Variants in KIAA1549L observed in about 807,000 individuals in gnomAD.
KIAA1549L encodes the protein KIAA1549 like.
Under a neutral mutation model 160.7 loss-of-function variants are expected in KIAA1549L, and 88 were observed. That is an observed-to-expected ratio of 0.55 (90% confidence interval 0.46 to 0.65). The LOEUF (loss-of-function observed/expected upper bound fraction) is 0.65, where lower values mean the gene tolerates loss of function less well. Among genes scored for constraint, KIAA1549L ranks in the 30% least tolerant of loss-of-function variants. The probability of loss-of-function intolerance (pLI) is 0.00; values close to 1 mark genes in which losing one functional copy is unlikely to be tolerated. For synonymous variants in KIAA1549L, 950 were observed against 976.7 expected (o/e 0.97, Z 0.51); for missense variants, 2,258 against 2,437.5 (o/e 0.93, Z 1.55).
chr11:33,583,244 C>T (rs1855699648), intron 10 of KIAA1549L, 94 bp from the exon 11 acceptor site: 4 of 1,226,980 alleles, frequency 3.3e-6, no homozygotes, highest in East Asian at 2.6e-5. Context: ...TCCTTCTGTC[C>T]AGGACTTGGG....
At chr11:33,436,250 C>T (rs547500131) in intron 1 of KIAA1549L, among the ~76,000 whole-genome samples, 65 of 152,194 alleles carry the variant, frequency 4.3e-4, no homozygotes, top group African/African-American at 1.5e-3. Context: ...ATATTATATA[C>T]ATAGCATATA....
chr11:33,614,584 A>ATTTTTTTTTTTTTTTTT, intron 15 of KIAA1549L, among the ~76,000 whole-genome samples: 1 of 5,116 alleles, frequency 2.0e-4, no homozygotes, highest in Non-Finnish European at 3.5e-4. Flanking sequence ...ATATATATAT[A>ATTTTTTTTTTTTTTTTT]TTTTTTTTTT....
chr11:33,376,888 G>A lies in KIAA1549L; in HGVS notation c.237G>A (p.Pro79=), dbSNP rs12295788. 0.12 allele frequency: 17,819 copies of A among 152,300 alleles called. 1,769 individuals are homozygous for A. Among genetic ancestry groups the A allele is most frequent in the African/African-American group, 0.27 (11,279 of 41,504 alleles). The allele number at this position is 152,300 out of a possible 1,614,324, so 9.4% of individuals were successfully genotyped here. ...TCCTGGAGCACGGCCAGGCCGACCCGGGTAAGCGCTCGGCGGCGGGGCGTC... is the reference window on the plus strand; with the variant it reads ...TCCTGGAGCACGGCCAGGCCGACCCAGGTAAGCGCTCGGCGGCGGGGCGTC... ...AALLEHGQAD[P]GTDNLQMNVT... The change falls in exon 1 of 21, where the codon CCG becomes CCA. Residue 79 remains proline, a splice_region_variant and synonymous_variant. Coordinates refer to ENST00000658780, the MANE Select transcript of KIAA1549L (RefSeq NM_012194.3). This position sits in a 1 kb window ranked among gnomAD's most constrained non-coding sequence, Gnocchi z 5.8.
At chr11:33,630,735 C>T (rs1851262640) in intron 16 of KIAA1549L, among the ~76,000 whole-genome samples, 1 of 152,086 alleles carries the variant, frequency 6.6e-6, no homozygotes, top group South Asian at 2.1e-4. Flanking sequence ...AGAAATCACC[C>T]ATCTTCTGCG....
At chr11:33,452,679 C>T (rs958528649) in intron 1 of KIAA1549L, among the ~76,000 whole-genome samples, 14 of 152,222 alleles carry the variant, frequency 9.2e-5, no homozygotes, top group African/African-American at 3.1e-4. Flanking sequence ...CAACCTAATA[C>T]CTTTCTGCCA....
chr11:33,556,315 CA>C (rs1342397705), intron 6 of KIAA1549L, among the ~76,000 whole-genome samples: 1 of 151,948 alleles, frequency 6.6e-6, no homozygotes, highest in Non-Finnish European at 1.5e-5. Context: ...CATTATATAC[CA>C]AAAAGAATTA....
intron 1 of KIAA1549L, among the ~76,000 whole-genome samples, chr11:33,536,594 T>C (rs1362601230): frequency 6.6e-6 from 1 of 152,128 alleles, no homozygotes; most frequent in African/African-American, 2.4e-5. Flanking sequence ...GGAAGTCACG[T>C]GGCATTATTG....
At chr11:33,643,693 CTCTGCCATTGCCTGCT>C (rs1178362450) in intron 16 of KIAA1549L, among the ~76,000 whole-genome samples, 1 of 152,182 alleles carries the variant, frequency 6.6e-6, no homozygotes, top group African/African-American at 2.4e-5. Context: ...GAGCAGGAGG[CTCTGCCATTGCCTGCT>C]TCTGCATAAC....
intron 1 of KIAA1549L, among the ~76,000 whole-genome samples, chr11:33,533,222 C>T (rs1853815608): frequency 6.6e-6 from 1 of 152,072 alleles, no homozygotes; most frequent in African/African-American, 2.4e-5. Context: ...GCATCACAGC[C>T]CGGGTCTGAG....
chr11:33,400,117 C>T (rs1850468010), intron 1 of KIAA1549L, among the ~76,000 whole-genome samples: 1 of 152,166 alleles, frequency 6.6e-6, no homozygotes, highest in Non-Finnish European at 1.5e-5. Flanking sequence ...TAGCTTCTGA[C>T]CTTTCACGTA....
At position 33,436,517 on chromosome 11, in the gene KIAA1549L, A is replaced by C. The variant is rs574557897; in HGVS notation, c.238+59628A>C. On this transcript the variant is annotated intron_variant, in intron 1 of 20. Coordinates refer to ENST00000658780, the MANE Select transcript of KIAA1549L (RefSeq NM_012194.3). ...AGTCTGCTTTATTTGGTCAAATGTTAATCTTATCCAGAAATGCCCGCACAG... is the reference window on the plus strand; with the variant it reads ...AGTCTGCTTTATTTGGTCAAATGTTCATCTTATCCAGAAATGCCCGCACAG... Among the ~76,000 whole-genome samples, 3 of 152,330 alleles carry C rather than the reference A, an allele frequency of 2.0e-5. No homozygotes were observed. In the East Asian group the frequency reaches 5.8e-4, roughly 29 times the overall value.
In KIAA1549L at chr11:33,652,802, G is replaced by A. The variant is rs144024103; in HGVS notation, c.5761-3210G>A. Among the ~76,000 whole-genome samples, 575 of 152,264 alleles carry A rather than the reference G, an allele frequency of 3.8e-3. 2 individuals are homozygous for A. Among genetic ancestry groups the A allele is most frequent in the Middle Eastern group, 0.01 (3 of 294 alleles). ...TGCTAACTGTCTGCAGAACCTCAGG[G>A]TTCAGGGAGGTCCTCAGGGGGTCAT... On this transcript the variant is annotated intron_variant, in intron 17 of 20. Coordinates refer to ENST00000658780, the MANE Select transcript of KIAA1549L (RefSeq NM_012194.3).
intron 1 of KIAA1549L, among the ~76,000 whole-genome samples, chr11:33,378,022 G>A (rs1849992053): frequency 6.6e-6 from 1 of 152,220 alleles, no homozygotes; most frequent in African/African-American, 2.4e-5. Flanking sequence ...ATCTTTGGAT[G>A]TGTGCCTCAG....
intron 14 of KIAA1549L, among the ~76,000 whole-genome samples, chr11:33,607,941 A>G (rs1210606667): frequency 6.6e-6 from 1 of 152,210 alleles, no homozygotes; most frequent in African/African-American, 2.4e-5. Flanking sequence ...CATTTTTTAA[A>G]CCAAGAAGCT....
intron 20 of KIAA1549L, among the ~76,000 whole-genome samples, chr11:33,662,860 G>A (rs759735002): frequency 1.3e-5 from 2 of 152,156 alleles, no homozygotes; most frequent in Non-Finnish European, 2.9e-5. Context: ...AAATGGAAAT[G>A]TAACCTTCCT....
At chr11:33,391,849 T>C (rs935025310) in intron 1 of KIAA1549L, among the ~76,000 whole-genome samples, 1 of 152,262 alleles carries the variant, frequency 6.6e-6, no homozygotes, top group Non-Finnish European at 1.5e-5. Flanking sequence ...TTTATTCTTT[T>C]AATTTCCCAT....
At chr11:33,430,811 T>C (rs191327289) in intron 1 of KIAA1549L, among the ~76,000 whole-genome samples, 44 of 152,286 alleles carry the variant, frequency 2.9e-4, no homozygotes, top group Admixed American at 9.1e-4. Flanking sequence ...CCCAAACATA[T>C]AGCACCGTGC....
intron 1 of KIAA1549L, among the ~76,000 whole-genome samples, chr11:33,395,335 G>A (rs1171293800): frequency 1.3e-5 from 2 of 152,172 alleles, no homozygotes; most frequent in African/African-American, 4.8e-5. Context: ...GCTTAACTCT[G>A]TGAGTAGGTT....
intron 10 of KIAA1549L, among the ~76,000 whole-genome samples, chr11:33,582,870 C>T (rs912615103): frequency 1.3e-5 from 2 of 152,204 alleles, no homozygotes; most frequent in African/African-American, 2.4e-5. Context: ...ACATTTTACT[C>T]GTTGCTCACT....
Sources: allele counts gnomAD v4.1 joint callset (sites outside exome capture counted in the v4.1 genomes callset), GRCh38; gene constraint gnomAD v4.1.1; non-coding constraint Gnocchi (gnomAD v3.1); transcripts MANE v1.5; gene names NCBI Gene and HGNC (gene_info 2026-07-23, HGNC 2026-07-21).